The following RPL31 variants were observed in gnomAD, a reference collection of about 807,000 sequenced individuals.
RPL31 encodes the protein ribosomal protein L31.
For synonymous variants in RPL31, 51 were observed against 55.0 expected (o/e 0.93, Z 0.32); for missense variants, 95 against 164.0 (o/e 0.58, Z 2.30).
chr2:101,011,440 G>A, downstream of RPL31: 1 of 1,613,786 alleles, frequency 6.2e-7, no homozygotes, highest in Non-Finnish European at 8.5e-7. Flanking sequence ...ACAATGAAAA[G>A]AGGTACGTGC....
exon 5 of RPL31, chr2:101,019,521 C>CT (rs1323307615): frequency 6.5e-6 from 1 of 152,936 alleles, no homozygotes; most frequent in Non-Finnish European, 1.5e-5. Flanking sequence ...TTTCTTAAGG[C>CT]TTTTTTAACT....
chr2:101,002,915 C>G (rs72821045), intron 2 of RPL31, 107 bp downstream of exon 2: 12 of 782,580 alleles, frequency 1.5e-5, no homozygotes, highest in Middle Eastern at 2.3e-4. Context: ...GTGGCCTTCC[C>G]TGTTTCATTC....
chr2:101,007,535 A>G (rs1678817014), downstream of RPL31: 1 of 388,552 alleles, frequency 2.6e-6, no homozygotes, highest in Admixed American at 4.2e-5. Flanking sequence ...CTGAGAGCAA[A>G]ATCAACACTA....
downstream of RPL31, among the ~76,000 whole-genome samples, chr2:101,009,922 T>C (rs12612720): frequency 0.98 from 147,267 of 150,192 alleles, 72,220 homozygotes; most frequent in East Asian, 1. Flanking sequence ...CCCGGGTTCA[T>C]GCCATTCTCC....
Position 101,005,972 on chromosome 2 carries a change from C to A in RPL31, c.247C>A (p.Arg83=), listed in dbSNP as rs1269197300. ...WAKGIRNVPY[R]IRVRLSRKRN... Reference sequence around the variant, plus strand: ...TGTTTTTATTAGGAATGTGCCATACCGAATCCGTGTGCGGCTGTCCAGAAA... The same window carrying A: ...TGTTTTTATTAGGAATGTGCCATACAGAATCCGTGTGCGGCTGTCCAGAAA... Residue 83 remains arginine (R), a synonymous_variant, in exon 4 of 5, where the codon CGA becomes AGA. Coordinates refer to ENST00000264258, the MANE Select transcript of RPL31 (RefSeq NM_000993.5). 5 of 1,612,264 alleles carry A rather than the reference C, an allele frequency of 3.1e-6. No homozygotes were observed. The highest frequency in any genetic ancestry group is 1.7e-5 in the Admixed American group (1 of 59,908).
At chr2:101,015,363 C>T (rs1679546721) in intron 4 of RPL31, among the ~76,000 whole-genome samples, 1 of 152,188 alleles carries the variant, frequency 6.6e-6, no homozygotes, top group Non-Finnish European at 1.5e-5. Context: ...GACATTACTG[C>T]ACACTGCCAT....
intron 4 of RPL31, among the ~76,000 whole-genome samples, chr2:101,012,972 G>A (rs2105363156): frequency 6.6e-6 from 1 of 152,268 alleles, no homozygotes; most frequent in Non-Finnish European, 1.5e-5. Flanking sequence ...TGGTACCTGG[G>A]GCAGTCAGGA....
At chr2:101,003,592 T>C (rs1678619011) in intron 2 of RPL31, among the ~76,000 whole-genome samples, 1 of 152,230 alleles carries the variant, frequency 6.6e-6, no homozygotes, top group African/African-American at 2.4e-5. Context: ...GATTGCCAGC[T>C]GCTGTTATTT....
intron 2 of RPL31, among the ~76,000 whole-genome samples, chr2:101,003,012 A>G (rs148175352): frequency 1.6e-3 from 245 of 152,180 alleles, no homozygotes; most frequent in Admixed American, 3.3e-3. Context: ...GACCGCCCCC[A>G]TTATTCTTTC....
intron 1 of RPL31, 120 bp downstream of exon 1, chr2:101,002,435 T>C (rs1017976027): frequency 3.9e-5 from 19 of 489,898 alleles, no homozygotes; most frequent in Admixed American, 2.4e-4. Context: ...TGTGGGGAGA[T>C]GGGAATACAC....
chr2:101,006,127 C>A (rs1397179099), intron 4 of RPL31, 56 bp downstream of exon 4: 1 of 1,582,514 alleles, frequency 6.3e-7, no homozygotes. Context: ...GTCCTTACCT[C>A]TTAAAATGTG....
intron 2 of RPL31, 42 bp from the exon 3 acceptor site, chr2:101,004,115 GT>G (rs1435605593): frequency 3.8e-6 from 6 of 1,598,102 alleles, no homozygotes; most frequent in Non-Finnish European, 5.1e-6. Flanking sequence ...ACCTAATTTA[GT>G]TTTGTGCTCC....
chr2:101,019,163 G>A (rs935190220), exon 5 of RPL31: 45 of 1,340,968 alleles, frequency 3.4e-5, no homozygotes, highest in Non-Finnish European at 4.4e-5. Context: ...CCCTGGCAGA[G>A]GGCCAGGCCT....
chr2:101,010,398 G>A (rs899414447), downstream of RPL31, among the ~76,000 whole-genome samples: 5 of 152,248 alleles, frequency 3.3e-5, no homozygotes, highest in South Asian at 8.3e-4. Context: ...CTGGATAAAT[G>A]AATTTTATAC....
intron 4 of RPL31, among the ~76,000 whole-genome samples, chr2:101,013,220 T>C (rs1679364394): frequency 6.6e-6 from 1 of 152,136 alleles, no homozygotes; most frequent in Non-Finnish European, 1.5e-5. Context: ...TCACAGCATA[T>C]GAAGAGAACG....
intron 4 of RPL31, chr2:101,017,859 G>GTCTTCAAAACGATGATC (rs1679769270): frequency 1.3e-6 from 2 of 1,550,642 alleles, no homozygotes; most frequent in African/African-American, 1.4e-5. Flanking sequence ...TCCCAATTAG[G>GTCTTCAAAACGATGATC]TCTTCAAAAC....
chr2:101,010,754 C>T (rs771753722), downstream of RPL31, among the ~76,000 whole-genome samples: 9 of 151,768 alleles, frequency 5.9e-5, no homozygotes, highest in South Asian at 2.1e-4. Flanking sequence ...TGGTTGCACA[C>T]GCCTGTAATC....
chr2:101,004,692 T>G, intron 3 of RPL31: 11 of 196,834 alleles, frequency 5.6e-5, no homozygotes, highest in Non-Finnish European at 9.0e-5. Flanking sequence ...TACCTGTCCT[T>G]CCCGGGGTTG....
chr2:101,009,262 C>T (rs1233696409), downstream of RPL31, among the ~76,000 whole-genome samples: 14 of 151,966 alleles, frequency 9.2e-5, no homozygotes, highest in Admixed American at 9.2e-4. Flanking sequence ...AAAAATTAGC[C>T]GGGCTTGGTG....
Sources: allele counts gnomAD v4.1 joint callset (sites outside exome capture counted in the v4.1 genomes callset), GRCh38; gene constraint gnomAD v4.1.1; transcripts MANE v1.5; gene names NCBI Gene and HGNC (gene_info 2026-07-23, HGNC 2026-07-21).